The following KIF13A variants were observed in gnomAD, a reference collection of about 807,000 sequenced individuals.
KIF13A encodes kinesin family member 13A.
KIF13A carries 79 observed loss-of-function variants against 212.2 expected under a neutral mutation model. The ratio of observed to expected loss-of-function variants is 0.37; its 90% CI spans 0.31 to 0.45. The LOEUF is 0.45. Ranked by LOEUF, KIF13A falls within the 20% of genes least tolerant of loss-of-function variation. KIF13A has a pLI of 1.00. For missense variants in KIF13A, 1,901 were observed against 2,209.0 expected, an observed-to-expected ratio of 0.86 and a Z score of 2.79; for synonymous variants, 789 against 808.6, an observed-to-expected ratio of 0.98 and a Z score of 0.41.
Position 17,951,165 on chromosome 6 carries a change from T to A in KIF13A, c.146+35889A>T, listed in dbSNP as rs1468080179. Reference sequence around the variant, plus strand: ...CACCTCACGCCACTTTAATTTTTTATTTTTTTGAAGACAGGGTCTGGCTCT... The same window carrying A: ...CACCTCACGCCACTTTAATTTTTTAATTTTTTGAAGACAGGGTCTGGCTCT... On this transcript the variant is annotated intron_variant, in intron 2 of 38. Transcript: ENST00000259711. The surrounding 1 kb of genome is among the most constrained non-coding windows in gnomAD (Gnocchi z 4.9). 17 of 1,233,358 alleles carry A rather than the reference T, an allele frequency of 1.4e-5. No homozygotes were observed. Among genetic ancestry groups the A allele is most frequent in the Non-Finnish European group, 1.6e-5 (16 of 987,104 alleles). 76.4% of individuals were successfully genotyped at this position (1,233,358 alleles called of 1,614,324 possible). A position where few individuals can be genotyped will look rare whatever the true frequency, so the allele number is the denominator to read the frequency against.
In KIF13A at chr6:17,849,590, C is replaced by A; in HGVS notation, c.718-101G>T. On this transcript the variant is annotated intron_variant, in intron 8 of 38. Transcript: ENST00000259711. This position sits in a 1 kb window ranked among gnomAD's most constrained non-coding sequence, Gnocchi z 5.7. ...CTATAATTGAGCAATCCATCCCACT[C>A]TCATATGGCAAATTTCTTAAGTTTT... The A allele has an allele frequency of 1.4e-6, 1 of 698,378 alleles. No individual in the cohort carries two copies. Among genetic ancestry groups the A allele is most frequent in the Non-Finnish European group, 2.3e-6 (1 of 428,260 alleles). 43.3% of individuals were successfully genotyped at this position (698,378 alleles called of 1,614,324 possible).
chr6:17,945,126 A>ATTT (rs1427123485), intron 2 of KIF13A, among the ~76,000 whole-genome samples: 1 of 152,172 alleles, frequency 6.6e-6, no homozygotes. Flanking sequence ...AATTAAAAGT[A>ATTT]TTTTAAAAAT....
intron 35 of KIF13A, 143 bp downstream of exon 35, chr6:17,774,872 A>G: frequency 1.8e-6 from 1 of 554,856 alleles, no homozygotes; most frequent in Non-Finnish European, 3.2e-6. Context: ...TTAAGATGGG[A>G]AGCCCAGAGA....
chr6:17,955,033 G>C (rs1778233385), intron 2 of KIF13A, among the ~76,000 whole-genome samples: 1 of 151,926 alleles, frequency 6.6e-6, no homozygotes, highest in Non-Finnish European at 1.5e-5. Context: ...AAAAATGCTG[G>C]TGCCCAGGTT....
chr6:17,938,203 G>C (rs1352191633), intron 2 of KIF13A, among the ~76,000 whole-genome samples: 1 of 152,120 alleles, frequency 6.6e-6, no homozygotes, highest in Non-Finnish European at 1.5e-5. Flanking sequence ...CCTTTAGACT[G>C]CTATTAAATG....
intron 2 of KIF13A, among the ~76,000 whole-genome samples, chr6:17,940,037 G>A (rs1231728311): frequency 1.0e-5 from 1 of 97,924 alleles, no homozygotes; most frequent in Non-Finnish European, 2.1e-5. Flanking sequence ...GCGAGACTCC[G>A]TCTCATAAAT....
At chr6:17,865,016 A>G (rs538416267) in intron 4 of KIF13A, among the ~76,000 whole-genome samples, 4 of 152,250 alleles carry the variant, frequency 2.6e-5, no homozygotes, top group Non-Finnish European at 5.9e-5. Flanking sequence ...GCACAGGATA[A>G]AAGAGTCACA....
intron 25 of KIF13A, among the ~76,000 whole-genome samples, chr6:17,791,941 C>T (rs1311011954): frequency 5.4e-5 from 8 of 147,866 alleles, no homozygotes; most frequent in South Asian, 4.3e-4. Context: ...CAGTGGCTCA[C>T]GCCTGTAATC....
At chr6:17,798,574 G>T (rs1397777430) in intron 22 of KIF13A, among the ~76,000 whole-genome samples, 1 of 152,148 alleles carries the variant, frequency 6.6e-6, no homozygotes, top group Non-Finnish European at 1.5e-5. Context: ...GAATAAGCAT[G>T]ATTTGCAAAA....
chr6:17,772,193 T>A lies in KIF13A; in HGVS notation c.4325-134A>T. ...TCATAGGCTAATATTTGGCTAAGCATTAAAACAGATGTATGCCCACCCTGT... is the reference window on the plus strand; with the variant it reads ...TCATAGGCTAATATTTGGCTAAGCAATAAAACAGATGTATGCCCACCCTGT... On this transcript the variant is annotated intron_variant, in intron 36 of 38. Transcript: ENST00000259711. The surrounding 1 kb of genome is among the most constrained non-coding windows in gnomAD (Gnocchi z 4.8). 1 of 809,848 alleles carries A rather than the reference T, an allele frequency of 1.2e-6. No individual in the cohort carries two copies. Among genetic ancestry groups the A allele is most frequent in the Non-Finnish European group, 2.0e-6 (1 of 511,708 alleles). The allele number at this position is 809,848 out of a possible 1,614,324, so 50.2% of individuals were successfully genotyped here. A position where few individuals can be genotyped will look rare whatever the true frequency, so the allele number is the denominator to read the frequency against.
Position 17,968,500 on chromosome 6 carries a change from C to G in KIF13A, c.146+18554G>C, listed in dbSNP as rs967421418. Among the ~76,000 whole-genome samples the G allele has an allele frequency of 6.6e-6, 1 of 152,092 alleles. No homozygotes were observed. The highest frequency in any genetic ancestry group is 2.4e-5 in the African/African-American group (1 of 41,406). On this transcript the variant is annotated intron_variant, in intron 2 of 38. Transcript: ENST00000259711. The surrounding 1 kb of genome is among the most constrained non-coding windows in gnomAD (Gnocchi z 4.7). ...ACCACCTCTGGGTGTATAGCTCTGG[C>G]AGTACAGGAAATGAAACATCCCGAC...
In KIF13A at chr6:17,918,653, T is replaced by C. The variant is rs1002531340; in HGVS notation, c.147-20473A>G. On this transcript the variant is annotated intron_variant, in intron 2 of 38. Transcript: ENST00000259711. This position sits in a 1 kb window ranked among gnomAD's most constrained non-coding sequence, Gnocchi z 4.8. The stretch of plus-strand genomic sequence containing the variant: ...TCCTACAGGTAAGAGAAGTATCACT[T>C]GGAATTGAAAGCACTCCCATCCCCA... Among the ~76,000 whole-genome samples the C allele has an allele frequency of 6.6e-6, 1 of 152,134 alleles. No homozygotes were observed. The highest frequency in any genetic ancestry group is 2.4e-5 in the African/African-American group (1 of 41,432).
At position 17,892,007 on chromosome 6, in the gene KIF13A, C is replaced by T. The variant is rs543455184; in HGVS notation, c.159+6161G>A. On this transcript the variant is annotated intron_variant, in intron 3 of 38. Transcript: ENST00000259711. The surrounding 1 kb of genome is among the most constrained non-coding windows in gnomAD (Gnocchi z 4.7). ...CTCTTCCTCCACTTCCTACTCTCTT[C>T]ACCCCAATAATTTACCTGATCTTTG... is the stretch of plus-strand genomic sequence containing the variant. 3.3e-5 allele frequency among the ~76,000 whole-genome samples: 5 copies of T among 152,274 alleles called. No individual in the cohort carries two copies. The South Asian group carries it at 1.0e-3, about 32-fold the overall frequency.
Position 17,826,047 on chromosome 6 carries a change from T to A in KIF13A, c.1610A>T (p.His537Leu). ...AACACAAAGATGTTACCTAAAAAAG[T>A]GATTATTTCCCCATAGGATTCGGTC... Reference protein sequence around the residue: ...HGDRILWGNNHFFRINLPKRK... With the variant: ...HGDRILWGNNLFFRINLPKRK... The change falls in exon 15 of 39, where the codon CAC becomes CTC. Residue 537 changes from histidine to leucine, a missense_variant. Transcript: ENST00000259711. This position sits in a 1 kb window ranked among gnomAD's most constrained non-coding sequence, Gnocchi z 4.7. 6.2e-7 allele frequency: 1 copy of A among 1,613,824 alleles called. No individual in the cohort carries two copies. Among genetic ancestry groups the A allele is most frequent in the Non-Finnish European group, 8.5e-7 (1 of 1,179,788 alleles).
rs558661880 is a variant in KIF13A at position 17,832,907 on chromosome 6, G to A, written c.1266+1054C>T. ...CGCAAGCCTCTAGTCCCAGCTGCTCGGGAGGCTGAGGCAGAAGAATCGCTT... is the reference window on the plus strand; with the variant it reads ...CGCAAGCCTCTAGTCCCAGCTGCTCAGGAGGCTGAGGCAGAAGAATCGCTT... On this transcript the variant is annotated intron_variant, in intron 12 of 38. Transcript: ENST00000259711. Among the ~76,000 whole-genome samples the A allele has an allele frequency of 8.6e-5, 13 of 150,754 alleles. No individual in the cohort carries two copies. The South Asian group carries it at 2.1e-3, about 24-fold the overall frequency.
At chr6:17,952,222 T>A (rs190058049) in intron 2 of KIF13A, among the ~76,000 whole-genome samples, 1 of 147,854 alleles carries the variant, frequency 6.8e-6, no homozygotes, top group Non-Finnish European at 1.5e-5. Context: ...GAAGATGGCA[T>A]GAACCCGGAA....
At position 17,799,338 on chromosome 6, in the gene KIF13A, C is replaced by T. The variant is rs764103279; in HGVS notation, c.2718G>A (p.Pro906=). The T allele has an allele frequency of 1.9e-5, 30 of 1,612,764 alleles. No individual in the cohort carries two copies. The highest frequency in any genetic ancestry group is 1.6e-4 in the Middle Eastern group (1 of 6,076). Residue 906 remains proline, a synonymous_variant, in exon 22 of 39, where the codon CCG becomes CCA. Transcript: ENST00000259711. This position sits in a 1 kb window ranked among gnomAD's most constrained non-coding sequence, Gnocchi z 4.4. The part of the protein sequence containing the change: ...WDQCESTVAA[P]VVDPEVPSPQ... ...GTGAAGGCACCTCGGGGTCCACCAC[C>T]GGGGCAGCCACCGTAGACTCACACT...
At chr6:17,930,237 A>C (rs149636165) in intron 2 of KIF13A, among the ~76,000 whole-genome samples, 2 of 152,190 alleles carry the variant, frequency 1.3e-5, no homozygotes, top group African/African-American at 4.8e-5. Context: ...TATACATTAA[A>C]CCATTTGGGA....
chr6:17,799,397 T>C lies in KIF13A; in HGVS notation c.2659A>G (p.Asn887Asp). The change falls in exon 22 of 39, where the codon AAT becomes GAT. Residue 887 changes from asparagine to aspartate, a missense_variant. Asn to Asp is a conservative substitution (Grantham distance 23, BLOSUM62 1). This residue lies in a region of KIF13A where 534 missense variants were observed against 536.9 expected (regional missense o/e 0.99). Coordinates refer to ENST00000259711, the MANE Select transcript of KIF13A (RefSeq NM_022113.6). This position sits in a 1 kb window ranked among gnomAD's most constrained non-coding sequence, Gnocchi z 4.4. ...AATGTGTATTGACAGAAGACAAAATTTGAGAGGTTTAAGGGCAGCCCCGTT... is the reference window on the plus strand; with the variant it reads ...AATGTGTATTGACAGAAGACAAAATCTGAGAGGTTTAAGGGCAGCCCCGTT... ...EATGLPLNLS[N>D]FVFCQYTFWD... 4.4e-6 allele frequency: 7 copies of C among 1,603,066 alleles called. No homozygotes were observed. The highest frequency in any genetic ancestry group is 1.1e-5 in the South Asian group (1 of 89,382).
Sources: allele counts gnomAD v4.1 joint callset (sites outside exome capture counted in the v4.1 genomes callset), GRCh38; gene constraint gnomAD v4.1.1; regional missense constraint gnomAD v4.1.1; non-coding constraint Gnocchi (gnomAD v3.1); transcripts MANE v1.5; gene names NCBI Gene and HGNC (gene_info 2026-07-23, HGNC 2026-07-21).